ITGAE: variants seen among roughly 807,000 people sequenced by gnomAD.
The protein encoded by ITGAE is integrin subunit alpha E.
Under a neutral mutation model 136.5 loss-of-function variants are expected in ITGAE, and 99 were observed. The ratio of observed to expected loss-of-function variants is 0.73; its 90% CI spans 0.62 to 0.86. The LOEUF (loss-of-function observed/expected upper bound fraction) is 0.86. ITGAE is among the 40% of genes least tolerant of loss of function. The pLI, the probability that ITGAE is intolerant of heterozygous loss-of-function variation, is 0.00. For synonymous variants in ITGAE, 613 were observed against 591.8 expected (o/e 1.04, Z -0.52); for missense variants, 1,447 against 1,515.3 (o/e 0.95, Z 0.75).
Position 3,777,672 on chromosome 17 carries a change from AGAG to A in ITGAE, c.35-15_35-13del, listed in dbSNP as rs949975537. 6 of 1,598,558 alleles carry A rather than the reference AGAG, an allele frequency of 3.8e-6. No homozygotes were observed. In the African/African-American group the frequency reaches 8.1e-5, roughly 22 times the overall value. ...CAGCAGGGCCAGGCCTGTAGGGAAA[AGAG>A]GAGCGTTTAATGAAAGAGGCCTTTT... On this transcript the variant is annotated splice_polypyrimidine_tract_variant and intron_variant, in intron 1 of 30. Transcript: ENST00000263087.
intron 26 of ITGAE, chr17:3,724,685 C>T (rs1487048580): frequency 6.2e-7 from 1 of 1,614,194 alleles, no homozygotes; most frequent in African/African-American, 1.3e-5. Flanking sequence ...GCCTTATGAA[C>T]TCAGGAACCC....
intron 1 of ITGAE, chr17:3,784,443 G>A: frequency 5.3e-6 from 1 of 190,418 alleles, no homozygotes; most frequent in Non-Finnish European, 1.1e-5. Context: ...TCACCAGGCT[G>A]GAGTGCAGTG....
intron 21 of ITGAE, among the ~76,000 whole-genome samples, chr17:3,732,999 T>G (rs2051380652): frequency 6.6e-6 from 1 of 152,190 alleles, no homozygotes; most frequent in Non-Finnish European, 1.5e-5. Context: ...TTTTCATTTT[T>G]TTGAGATGGA....
chr17:3,746,997 G>C (rs929701819), intron 17 of ITGAE, among the ~76,000 whole-genome samples: 1 of 152,240 alleles, frequency 6.6e-6, no homozygotes, highest in Non-Finnish European at 1.5e-5. Flanking sequence ...GACCATCTCA[G>C]AGATTGCTCC....
At chr17:3,787,270 C>T (rs1417515781) in intron 1 of ITGAE, among the ~76,000 whole-genome samples, 1 of 152,002 alleles carries the variant, frequency 6.6e-6, no homozygotes, top group East Asian at 1.9e-4. Flanking sequence ...TGCCACCACA[C>T]CCGCCTAAGT....
chr17:3,770,098 GTTTA>G (rs1226486016), intron 2 of ITGAE, among the ~76,000 whole-genome samples: 13 of 149,864 alleles, frequency 8.7e-5, no homozygotes, highest in African/African-American at 3.2e-4. Context: ...TGTTCTCAGG[GTTTA>G]TTTCTTTCTT....
chr17:3,774,506 G>A (rs1436513592), intron 2 of ITGAE, among the ~76,000 whole-genome samples: 1 of 152,188 alleles, frequency 6.6e-6, no homozygotes, highest in South Asian at 2.1e-4. Context: ...GCTCATGCCT[G>A]TAATCCCAGC....
At chr17:3,791,614 G>GT (rs1166916797) in intron 1 of ITGAE, among the ~76,000 whole-genome samples, 1 of 152,090 alleles carries the variant, frequency 6.6e-6, no homozygotes, top group Non-Finnish European at 1.5e-5. Flanking sequence ...AAATGTCCAT[G>GT]TTTTTTGGGA....
intron 1 of ITGAE, among the ~76,000 whole-genome samples, chr17:3,782,620 A>C (rs1047928110): frequency 3.3e-5 from 5 of 152,082 alleles, no homozygotes; most frequent in Admixed American, 1.3e-4. Context: ...CAGCCGTTCA[A>C]CGTGCTGGGA....
rs111860557 is a variant in ITGAE, at chr17:3,772,398, C to CTGAG, written c.155+5141_155+5142insCTCA. Among the ~76,000 whole-genome samples, 32 of 151,106 alleles carry CTGAG rather than the reference C, an allele frequency of 2.1e-4. No individual in the cohort carries two copies. The East Asian group carries it at 6.1e-3, about 29-fold the overall frequency. On this transcript the variant is annotated intron_variant, in intron 2 of 30. Coordinates refer to ENST00000263087, the MANE Select transcript of ITGAE (RefSeq NM_002208.5). Reference sequence around the variant, plus strand: ...TGAGTAAGTGCTCCATCCATACTTGCTGAATGAATGAATGAATGAATGAAT... The same window carrying CTGAG: ...TGAGTAAGTGCTCCATCCATACTTGCTGAGTGAATGAATGAATGAATGAATGAAT...
At chr17:3,791,687 T>TTTCA (rs2052943886) in intron 1 of ITGAE, among the ~76,000 whole-genome samples, 1 of 152,066 alleles carries the variant, frequency 6.6e-6, no homozygotes, top group Non-Finnish European at 1.5e-5. Context: ...TGCAAATGAG[T>TTTCA]CATCGGAGAT....
chr17:3,753,960 T>A, intron 12 of ITGAE, 35 bp from the exon 13 acceptor site: 1 of 1,603,386 alleles, frequency 6.2e-7, no homozygotes, highest in Non-Finnish European at 8.5e-7. Flanking sequence ...GAACACACCG[T>A]GTGCTCCCAC....
rs562906273 is a variant in ITGAE, at chr17:3,795,042, G to A, written c.34+6069C>T. Among the ~76,000 whole-genome samples, 364 of 152,214 alleles carry A rather than the reference G, an allele frequency of 2.4e-3. 1 individual carries two copies. Among genetic ancestry groups the A allele is most frequent in the Middle Eastern group, 0.02 (6 of 294 alleles). ...CTCTCCACCTCTGTCTGCAAAGCCC[G>A]TCTTTTGTGGCCCTGCTCAGCCAGC... On this transcript the variant is annotated intron_variant, in intron 1 of 30. Coordinates refer to ENST00000263087, the MANE Select transcript of ITGAE (RefSeq NM_002208.5).
chr17:3,789,038 G>C (rs1028767004), intron 1 of ITGAE, among the ~76,000 whole-genome samples: 1 of 151,834 alleles, frequency 6.6e-6, no homozygotes, highest in African/African-American at 2.4e-5. Context: ...TTACACTCGG[G>C]AGCTCAAGAC....
In ITGAE at chr17:3,714,745, C is replaced by G. The variant is rs2050911307; in HGVS notation, c.*102G>C. On this transcript the variant is annotated 3_prime_UTR_variant, in exon 31 of 31. Transcript: ENST00000263087. ...AAAAACTAATATTCTACCAACAGCT[C>G]CATGCTGCTCTAGATCATCCTGAAG... 6.1e-6 allele frequency: 4 copies of G among 654,102 alleles called. No individual in the cohort carries two copies. Among genetic ancestry groups the G allele is most frequent in the Admixed American group, 2.8e-5 (1 of 35,196 alleles). 40.5% of individuals were successfully genotyped at this position (654,102 alleles called of 1,614,324 possible). A position where few individuals can be genotyped will look rare whatever the true frequency, so the allele number is the denominator to read the frequency against.
At chr17:3,729,946 G>A (rs2051303235) in intron 23 of ITGAE, among the ~76,000 whole-genome samples, 1 of 152,102 alleles carries the variant, frequency 6.6e-6, no homozygotes, top group South Asian at 2.1e-4. Context: ...TGTTACATAG[G>A]TGAACGTGTG....
chr17:3,727,557 G>A (rs1439101250), intron 26 of ITGAE, among the ~76,000 whole-genome samples: 1 of 151,866 alleles, frequency 6.6e-6, no homozygotes, highest in Non-Finnish European at 1.5e-5. Context: ...CCGCCACCAC[G>A]CCCGGAGAAT....
intron 1 of ITGAE, among the ~76,000 whole-genome samples, chr17:3,800,372 C>T (rs1362166562): frequency 6.6e-6 from 1 of 152,092 alleles, no homozygotes; most frequent in Non-Finnish European, 1.5e-5. Context: ...GCAGGAGACC[C>T]ATGGGAAGTC....
intron 1 of ITGAE, among the ~76,000 whole-genome samples, chr17:3,797,132 G>A (rs926016657): frequency 6.9e-6 from 1 of 144,158 alleles, no homozygotes; most frequent in African/African-American, 2.5e-5. Flanking sequence ...ACTGTGTGCT[G>A]GAAACTAAAT....
Sources: allele counts gnomAD v4.1 joint callset (sites outside exome capture counted in the v4.1 genomes callset), GRCh38; gene constraint gnomAD v4.1.1; transcripts MANE v1.5; gene names NCBI Gene and HGNC (gene_info 2026-07-23, HGNC 2026-07-21).